Variants in RABGAP1L observed in about 807,000 individuals in gnomAD.
RABGAP1L encodes the protein rab GTPase-activating protein 1-like.
Under a neutral mutation model 137.7 loss-of-function variants are expected in RABGAP1L, and 63 were observed. The ratio of observed to expected loss-of-function variants is 0.46; its 90% CI spans 0.37 to 0.56. RABGAP1L has a LOEUF of 0.56. Among genes scored for constraint, RABGAP1L ranks in the 20% least tolerant of loss-of-function variants. RABGAP1L has a pLI of 0.00. For missense variants in RABGAP1L, 1,095 were observed against 1,244.0 expected, an observed-to-expected ratio of 0.88 and a Z score of 1.80; for synonymous variants, 431 against 433.7, an observed-to-expected ratio of 0.99 and a Z score of 0.08.
intron 19 of RABGAP1L, among the ~76,000 whole-genome samples, chr1:174,867,606 CAT>C (rs559931715): frequency 1.0e-3 from 153 of 152,216 alleles, no homozygotes; most frequent in African/African-American, 3.4e-3. Flanking sequence ...TTTGTAATCA[CAT>C]GTTTGGGTTT....
At chr1:174,299,091 A>G (rs775800949) in intron 10 of RABGAP1L, among the ~76,000 whole-genome samples, 10 of 152,246 alleles carry the variant, frequency 6.6e-5, no homozygotes, top group Non-Finnish European at 1.0e-4. Context: ...TTTGCAAAAT[A>G]GACTTTAGTT....
chr1:174,469,497 C>T (rs937401717), intron 13 of RABGAP1L, among the ~76,000 whole-genome samples: 6 of 152,162 alleles, frequency 3.9e-5, no homozygotes, highest in Admixed American at 1.3e-4. Flanking sequence ...ATCAGAATAT[C>T]TACAATGTGA....
chr1:174,248,659 CTG>C (rs1160911013), intron 5 of RABGAP1L, among the ~76,000 whole-genome samples: 1 of 152,098 alleles, frequency 6.6e-6, no homozygotes, highest in Non-Finnish European at 1.5e-5. Flanking sequence ...ATGTGTTAGA[CTG>C]TGTGTGCTTG....
rs184134828 is a variant in RABGAP1L, at chr1:174,657,804, G to A, written c.1824+20316G>A. ...GGTAGTTCTATTTGTAGTTTTTTTA[G>A]GAAACTCCATACTGCTTGTGTAGTC... On this transcript the variant is annotated intron_variant, in intron 14 of 25. Transcript: ENST00000681986. Among the ~76,000 whole-genome samples, 30 of 152,152 alleles carry A rather than the reference G, an allele frequency of 2.0e-4. No individual in the cohort carries two copies. In the East Asian group the frequency reaches 5.2e-3, roughly 26 times the overall value.
At chr1:174,906,626 T>G (rs1659132519) in intron 19 of RABGAP1L, among the ~76,000 whole-genome samples, 2 of 151,734 alleles carry the variant, frequency 1.3e-5, no homozygotes, top group Admixed American at 1.3e-4. Context: ...AGATTCCATC[T>G]CAAAAAATAA....
chr1:174,531,819 T>G (rs1664437724), intron 13 of RABGAP1L, among the ~76,000 whole-genome samples: 1 of 151,892 alleles, frequency 6.6e-6, no homozygotes, highest in Admixed American at 6.6e-5. Flanking sequence ...ATAAAAGATC[T>G]TACAAACTTC....
chr1:174,459,677 G>A (rs533746912), intron 13 of RABGAP1L, among the ~76,000 whole-genome samples: 26 of 152,070 alleles, frequency 1.7e-4, no homozygotes, highest in African/African-American at 5.3e-4. Flanking sequence ...ACACAGATGC[G>A]ACCATCCATT....
At chr1:174,405,646 C>T (rs1649173406) in intron 13 of RABGAP1L, among the ~76,000 whole-genome samples, 1 of 152,034 alleles carries the variant, frequency 6.6e-6, no homozygotes, top group South Asian at 2.1e-4. Flanking sequence ...AATGTAAATG[C>T]CTTGAATATG....
At chr1:174,679,924 C>A (rs1313401459) in intron 14 of RABGAP1L, among the ~76,000 whole-genome samples, 1 of 152,086 alleles carries the variant, frequency 6.6e-6, no homozygotes, top group African/African-American at 2.4e-5. Context: ...TTTAAAACTT[C>A]TTATTTCAAA....
chr1:174,805,940 G>A lies in RABGAP1L; in HGVS notation c.2212-5892G>A, dbSNP rs914167852. ...ACATTACTTAACTAATGTTGGGAAAGGAGTTGCATTTTCATTATTTTACTC... is the reference window on the plus strand; with the variant it reads ...ACATTACTTAACTAATGTTGGGAAAAGAGTTGCATTTTCATTATTTTACTC... On this transcript the variant is annotated intron_variant, in intron 18 of 25. Coordinates refer to ENST00000681986, the MANE Select transcript of RABGAP1L (RefSeq NM_001366446.1). Among the ~76,000 whole-genome samples, 48 of 152,188 alleles carry A rather than the reference G, an allele frequency of 3.2e-4. 1 individual carries two copies. Among genetic ancestry groups the A allele is most frequent in the Non-Finnish European group, 5.6e-4 (38 of 68,038 alleles).
intron 22 of RABGAP1L, 63 bp downstream of exon 22, chr1:174,976,245 A>G (rs1670631528): frequency 1.5e-6 from 2 of 1,306,422 alleles, no homozygotes; most frequent in East Asian, 2.5e-5. Flanking sequence ...TTAACACTAT[A>G]AAAAAGAAGG....
chr1:174,570,132 C>G (rs1186907748), intron 13 of RABGAP1L, among the ~76,000 whole-genome samples: 1 of 152,080 alleles, frequency 6.6e-6, no homozygotes, highest in African/African-American at 2.4e-5. Context: ...ACCAGTTGAC[C>G]AGTTGCTGAC....
chr1:174,405,794 A>G (rs759641232), intron 13 of RABGAP1L, among the ~76,000 whole-genome samples: 40 of 152,170 alleles, frequency 2.6e-4, no homozygotes, highest in Non-Finnish European at 5.4e-4. Flanking sequence ...CCTGGGCCAC[A>G]TGGTGAAACC....
At chr1:174,827,169 T>G (rs964470209) in intron 19 of RABGAP1L, among the ~76,000 whole-genome samples, 1 of 152,308 alleles carries the variant, frequency 6.6e-6, no homozygotes, top group Middle Eastern at 3.4e-3. Flanking sequence ...TGTCTCACCA[T>G]GTTGCCCAGA....
intron 13 of RABGAP1L, among the ~76,000 whole-genome samples, chr1:174,618,040 C>T (rs1672067446): frequency 6.6e-6 from 1 of 152,182 alleles, no homozygotes. Context: ...GAGCCTCACT[C>T]ATTGCTAGCA....
chr1:174,913,114 T>G (rs1339437170), intron 19 of RABGAP1L, among the ~76,000 whole-genome samples: 2 of 152,148 alleles, frequency 1.3e-5, no homozygotes, highest in Non-Finnish European at 2.9e-5. Context: ...TAGCTGGGAT[T>G]ACAAGTGTAT....
chr1:174,986,716 T>C (rs1413267547), intron 24 of RABGAP1L, among the ~76,000 whole-genome samples: 1 of 152,218 alleles, frequency 6.6e-6, no homozygotes, highest in Non-Finnish European at 1.5e-5. Context: ...TCTCGCTCAT[T>C]GTTGAATCGC....
chr1:174,742,579 G>C (rs1392276053), intron 17 of RABGAP1L, among the ~76,000 whole-genome samples: 1 of 152,116 alleles, frequency 6.6e-6, no homozygotes, highest in Admixed American at 6.5e-5. Context: ...ATTTCTGGAT[G>C]GATTGGGTTA....
chr1:174,550,931 T>TATAC (rs1666428522), intron 13 of RABGAP1L, among the ~76,000 whole-genome samples: 10 of 85,512 alleles, frequency 1.2e-4, no homozygotes, highest in African/African-American at 5.8e-4. Flanking sequence ...CATATATATA[T>TATAC]ACACATATAT....
Sources: gnomAD v4.1 joint callset for allele counts (sites outside exome capture counted in the v4.1 genomes callset) on GRCh38, gnomAD v4.1.1 for gene constraint, MANE v1.5 for transcripts, NCBI Gene and HGNC (gene_info 2026-07-23, HGNC 2026-07-21) for gene names.